STXBP5: variants seen among roughly 807,000 people sequenced by gnomAD.
The protein encoded by STXBP5 is syntaxin-binding protein 5.
STXBP5 carries 50 observed loss-of-function variants against 152.4 expected under a neutral mutation model. That is an observed-to-expected ratio of 0.33 (90% CI 0.26 to 0.42). The LOEUF (loss-of-function observed/expected upper bound fraction) is 0.42, where lower values mean the gene tolerates loss of function less well. STXBP5 is among the 10% of genes least tolerant of loss of function. The pLI is 1.00. For missense variants in STXBP5, 1,167 were observed against 1,388.6 expected (o/e 0.84, Z 2.54); for synonymous variants, 492 against 494.7 (o/e 0.99, Z 0.07).
intron 21 of STXBP5, among the ~76,000 whole-genome samples, chr6:147,348,596 ATTATAC>A (rs1396306827): frequency 1.3e-5 from 2 of 152,170 alleles, no homozygotes; most frequent in African/African-American, 4.8e-5. Context: ...TTTTTGTAGT[ATTATAC>A]TTAATATACC....
At chr6:147,260,798 A>G in intron 5 of STXBP5, 49 bp downstream of exon 5, 2 of 1,580,478 alleles carry the variant, frequency 1.3e-6, no homozygotes, top group Non-Finnish European at 1.7e-6. Flanking sequence ...TTCTATATAT[A>G]ATAATACCGT....
At chr6:147,269,363 A>T (rs1473577664) in intron 7 of STXBP5, among the ~76,000 whole-genome samples, 1 of 152,190 alleles carries the variant, frequency 6.6e-6, no homozygotes, top group Non-Finnish European at 1.5e-5. Flanking sequence ...GACTGAAAGG[A>T]CTAAACTGTT....
chr6:147,338,106 A>G (rs963091841), intron 19 of STXBP5, among the ~76,000 whole-genome samples: 3 of 152,108 alleles, frequency 2.0e-5, no homozygotes, highest in Non-Finnish European at 4.4e-5. Context: ...TTCCAATTAC[A>G]TCGTAGGTAT....
Position 147,373,731 on chromosome 6 carries a change from G to A in STXBP5, c.3082G>A (p.Glu1028Lys). The A allele has an allele frequency of 6.2e-7, 1 of 1,609,604 alleles. No individual in the cohort carries two copies. Among genetic ancestry groups the A allele is most frequent in the Non-Finnish European group, 8.5e-7 (1 of 1,177,322 alleles). The change falls in exon 26 of 28, where the codon GAA becomes AAA. Residue 1028 changes from glutamate (E) to lysine (K), a missense_variant and splice_region_variant. Glu to Lys is a moderately conservative substitution (Grantham distance 56, BLOSUM62 1). This residue lies in a region of STXBP5 where 833 missense variants were observed against 986.3 expected (regional missense o/e 0.84). Transcript: ENST00000321680. ...GTGACAATTTGTTTTGATTTTAAAGGAAATGTTGGGTGAACTCTTCACTCC... is the reference window on the plus strand; with the variant it reads ...GTGACAATTTGTTTTGATTTTAAAGAAAATGTTGGGTGAACTCTTCACTCC... ...YSQETCENLQ[E>K]MLGELFTPVE...
At chr6:147,348,758 A>T (rs1320133560) in intron 21 of STXBP5, among the ~76,000 whole-genome samples, 1 of 152,180 alleles carries the variant, frequency 6.6e-6, no homozygotes, top group African/African-American at 2.4e-5. Context: ...TCCTGTGTAT[A>T]CTGAAAAATT....
chr6:147,373,013 T>G (rs2128418909), intron 25 of STXBP5, among the ~76,000 whole-genome samples: 1 of 152,268 alleles, frequency 6.6e-6, no homozygotes, highest in African/African-American at 2.4e-5. Flanking sequence ...CAGCTAAAAG[T>G]TATAATTCCA....
chr6:147,288,457 C>T (rs112591196), intron 8 of STXBP5, among the ~76,000 whole-genome samples: 2 of 152,140 alleles, frequency 1.3e-5, no homozygotes, highest in Admixed American at 6.5e-5. Flanking sequence ...CCCCTGTCCC[C>T]GAACCCCTCA....
chr6:147,213,183 A>G (rs1424331327), intron 2 of STXBP5, among the ~76,000 whole-genome samples: 1 of 152,188 alleles, frequency 6.6e-6, no homozygotes, highest in Non-Finnish European at 1.5e-5. Flanking sequence ...TTTGAGTATC[A>G]CTAAAGATAA....
intron 4 of STXBP5, among the ~76,000 whole-genome samples, chr6:147,258,851 AT>A (rs1380941882): frequency 1.3e-5 from 2 of 152,186 alleles, no homozygotes; most frequent in East Asian, 3.9e-4. Context: ...TAAACCCTCC[AT>A]AAGGTAAGGA....
intron 21 of STXBP5, among the ~76,000 whole-genome samples, chr6:147,345,881 C>T (rs1444409124): frequency 6.6e-6 from 1 of 152,136 alleles, no homozygotes; most frequent in East Asian, 1.9e-4. Context: ...CTTCGTTATT[C>T]CTACTAAACA....
intron 2 of STXBP5, among the ~76,000 whole-genome samples, chr6:147,210,350 C>G (rs142791819): frequency 6.6e-6 from 1 of 152,124 alleles, no homozygotes; most frequent in Non-Finnish European, 1.5e-5. Flanking sequence ...GCCTAGACTT[C>G]TTATTTTAGT....
At chr6:147,242,652 T>C (rs1459104760) in intron 4 of STXBP5, among the ~76,000 whole-genome samples, 1 of 152,206 alleles carries the variant, frequency 6.6e-6, no homozygotes, top group Admixed American at 6.5e-5. Context: ...CAGTATTCAA[T>C]ATGTAATACG....
intron 8 of STXBP5, among the ~76,000 whole-genome samples, chr6:147,286,739 G>T (rs1173021223): frequency 6.6e-6 from 1 of 151,982 alleles, no homozygotes; most frequent in African/African-American, 2.4e-5. Context: ...CAAAAAGACG[G>T]ATAGTTTTTT....
intron 21 of STXBP5, among the ~76,000 whole-genome samples, chr6:147,343,236 G>T (rs1218931357): frequency 6.6e-6 from 1 of 152,044 alleles, no homozygotes; most frequent in South Asian, 2.1e-4. Flanking sequence ...CCAATTCTGA[G>T]TTAACATAAT....
intron 21 of STXBP5, among the ~76,000 whole-genome samples, chr6:147,342,300 G>T (rs572113769): frequency 6.8e-4 from 104 of 152,276 alleles, no homozygotes; most frequent in African/African-American, 1.3e-3. Flanking sequence ...AGGATAGCTA[G>T]AGCAAACTCT....
At chr6:147,349,258 A>G (rs1373108366) in intron 21 of STXBP5, among the ~76,000 whole-genome samples, 1 of 152,164 alleles carries the variant, frequency 6.6e-6, no homozygotes, top group Non-Finnish European at 1.5e-5. Context: ...TGATTTCATC[A>G]GTATATTGTT....
intron 2 of STXBP5, among the ~76,000 whole-genome samples, chr6:147,220,136 T>A (rs1211291745): frequency 6.6e-6 from 1 of 152,068 alleles, no homozygotes; most frequent in Non-Finnish European, 1.5e-5. Flanking sequence ...TTGACCCAAG[T>A]GTTAATAGAA....
intron 2 of STXBP5, among the ~76,000 whole-genome samples, chr6:147,229,062 C>T (rs2115135579): frequency 6.6e-6 from 1 of 152,086 alleles, no homozygotes; most frequent in African/African-American, 2.4e-5. Context: ...AAGTCAAATG[C>T]AGGACAGAAG....
intron 2 of STXBP5, among the ~76,000 whole-genome samples, chr6:147,221,711 C>T (rs1047792767): frequency 1.3e-5 from 2 of 150,356 alleles, no homozygotes; most frequent in African/African-American, 4.9e-5. Flanking sequence ...TGGATTTCTG[C>T]AATTTGAATA....
Sources: gnomAD v4.1 joint callset for allele counts (sites outside exome capture counted in the v4.1 genomes callset) on GRCh38, gnomAD v4.1.1 for gene constraint, gnomAD v4.1.1 regional missense constraint, MANE v1.5 for transcripts, NCBI Gene and HGNC (gene_info 2026-07-23, HGNC 2026-07-21) for gene names.